The following ANO5 variants were observed in gnomAD, a reference collection of about 807,000 sequenced individuals.
ANO5 encodes anoctamin-5.
ANO5 carries 109 observed loss-of-function variants against 121.0 expected under a neutral mutation model. The ratio of observed to expected loss-of-function variants is 0.90; its 90% CI spans 0.77 to 1.06. The LOEUF (loss-of-function observed/expected upper bound fraction) is 1.06, where lower values mean the gene tolerates loss of function less well. Among genes scored for constraint, ANO5 ranks in the 50% least tolerant of loss-of-function variants. The probability of loss-of-function intolerance (pLI) is 0.00; values close to 1 mark genes in which losing one functional copy is unlikely to be tolerated. For synonymous variants in ANO5, 406 were observed against 359.9 expected, an observed-to-expected ratio of 1.13 and a Z score of -1.45; for missense variants, 1,064 against 1,078.5, an observed-to-expected ratio of 0.99 and a Z score of 0.19.
At chr11:22,244,279 A>G (rs1055595931) in intron 9 of ANO5, among the ~76,000 whole-genome samples, 1 of 152,130 alleles carries the variant, frequency 6.6e-6, no homozygotes, top group African/African-American at 2.4e-5. Context: ...GTCTGCTGCT[A>G]GCCTGATGAG....
At chr11:22,257,092 T>C (rs1181495560) in intron 13 of ANO5, among the ~76,000 whole-genome samples, 1 of 151,994 alleles carries the variant, frequency 6.6e-6, no homozygotes, top group African/African-American at 2.4e-5. Flanking sequence ...TGTTTGTTTG[T>C]TTTGTTTTGT....
At chr11:22,258,087 A>G (rs974548936) in intron 14 of ANO5, among the ~76,000 whole-genome samples, 3 of 152,200 alleles carry the variant, frequency 2.0e-5, no homozygotes, top group Non-Finnish European at 2.9e-5. Flanking sequence ...TTTTAGAAAA[A>G]TCATGAATGT....
chr11:22,263,427 T>G (rs1854262479), intron 17 of ANO5, among the ~76,000 whole-genome samples: 1 of 152,208 alleles, frequency 6.6e-6, no homozygotes, highest in African/African-American at 2.4e-5. Flanking sequence ...CTACATGCTG[T>G]GTATTATTTC....
intron 17 of ANO5, among the ~76,000 whole-genome samples, chr11:22,263,329 C>T (rs955003574): frequency 3.3e-5 from 5 of 152,076 alleles, no homozygotes; most frequent in African/African-American, 1.2e-4. Context: ...GTTTTGAACA[C>T]AATCTTTTAA....
chr11:22,244,182 T>C (rs986689860), intron 9 of ANO5, among the ~76,000 whole-genome samples: 2 of 152,154 alleles, frequency 1.3e-5, no homozygotes. Context: ...TGATGAGATA[T>C]GAAATTCTTG....
intron 9 of ANO5, among the ~76,000 whole-genome samples, chr11:22,243,757 T>C (rs1217641883): frequency 3.9e-5 from 6 of 152,214 alleles, no homozygotes; most frequent in African/African-American, 1.2e-4. Flanking sequence ...GGATTAGTTA[T>C]AATATCATCA....
intron 8 of ANO5, among the ~76,000 whole-genome samples, chr11:22,237,712 C>CA (rs1380699992): frequency 2.0e-5 from 3 of 151,980 alleles, no homozygotes; most frequent in African/African-American, 7.3e-5. Context: ...GGAAATTTTC[C>CA]AAAATGAGTC....
intron 1 of ANO5, among the ~76,000 whole-genome samples, chr11:22,198,758 T>TA (rs919034020): frequency 5.3e-5 from 8 of 151,832 alleles, no homozygotes; most frequent in East Asian, 1.9e-4. Flanking sequence ...TTTTTGTCCT[T>TA]AAAAAAAAGC....
intron 1 of ANO5, among the ~76,000 whole-genome samples, chr11:22,200,770 A>C (rs987809434): frequency 7.9e-5 from 12 of 152,186 alleles, no homozygotes; most frequent in Non-Finnish European, 1.6e-4. Context: ...AAATGTATAA[A>C]TTTGACACAT....
intron 9 of ANO5, among the ~76,000 whole-genome samples, chr11:22,247,875 T>C (rs897289697): frequency 2.0e-5 from 3 of 152,122 alleles, no homozygotes; most frequent in African/African-American, 7.2e-5. Context: ...CCTTCCAGCT[T>C]ACACTTCAGG....
chr11:22,266,048 G>A (rs569715880), intron 17 of ANO5, among the ~76,000 whole-genome samples: 3 of 152,036 alleles, frequency 2.0e-5, no homozygotes, highest in African/African-American at 4.8e-5. Context: ...ATTGGACATC[G>A]CATATGCAAA....
chr11:22,268,260 A>G (rs1854441580), intron 17 of ANO5, among the ~76,000 whole-genome samples: 1 of 149,114 alleles, frequency 6.7e-6, no homozygotes, highest in African/African-American at 2.6e-5. Context: ...AATTGTTTCA[A>G]TATAAACAGT....
intron 2 of ANO5, among the ~76,000 whole-genome samples, chr11:22,209,985 A>G (rs1015509879): frequency 6.6e-6 from 1 of 151,950 alleles, no homozygotes; most frequent in Non-Finnish European, 1.5e-5. Context: ...TGCACAGCAT[A>G]TTTTTAGAGG....
chr11:22,264,476 A>T (rs564348359), intron 17 of ANO5, among the ~76,000 whole-genome samples: 37 of 151,284 alleles, frequency 2.4e-4, no homozygotes, highest in East Asian at 1.6e-3. Context: ...AAAAAATTTT[A>T]AAAAAAAAAC....
At position 22,274,595 on chromosome 11, in the gene ANO5, C is replaced by T; in HGVS notation, c.2262C>T (p.Asp754=). ...CCTTTATTGTTGCATTTACGTCAGA[C>T]ATCATTCCCCGTCTAGTTTACTACT... ...TNAFIVAFTS[D]IIPRLVYYYA... The change falls in exon 20 of 22, where the codon GAC becomes GAT. Residue 754 remains aspartate (D), a synonymous_variant. Coordinates refer to ENST00000324559, the MANE Select transcript of ANO5 (RefSeq NM_213599.3). 6.2e-7 allele frequency: 1 copy of T among 1,605,302 alleles called. No individual in the cohort carries two copies. Among genetic ancestry groups the T allele is most frequent in the Non-Finnish European group, 8.5e-7 (1 of 1,173,630 alleles).
intron 7 of ANO5, among the ~76,000 whole-genome samples, chr11:22,229,614 G>GA (rs1332639628): frequency 6.6e-6 from 1 of 151,888 alleles, no homozygotes; most frequent in African/African-American, 2.4e-5. Flanking sequence ...AATGCACTTT[G>GA]AAAACTGAAA....
intron 9 of ANO5, among the ~76,000 whole-genome samples, chr11:22,246,687 A>C (rs144920164): frequency 7.7e-4 from 117 of 151,834 alleles, no homozygotes; most frequent in South Asian, 2.1e-3. Flanking sequence ...AAAAATAATA[A>C]TACTACTACT....
At chr11:22,252,825 A>T (rs1363175658) in intron 12 of ANO5, among the ~76,000 whole-genome samples, 1 of 152,174 alleles carries the variant, frequency 6.6e-6, no homozygotes, top group East Asian at 1.9e-4. Context: ...ACTTTAATAT[A>T]ATTCAGCAAC....
chr11:22,263,459 C>A (rs1201965165), intron 17 of ANO5, among the ~76,000 whole-genome samples: 2 of 152,044 alleles, frequency 1.3e-5, no homozygotes, highest in Non-Finnish European at 2.9e-5. Flanking sequence ...AAAAGGTGAA[C>A]TTTGTAAAAA....
Sources: gnomAD v4.1 joint callset for allele counts (sites outside exome capture counted in the v4.1 genomes callset) on GRCh38, gnomAD v4.1.1 for gene constraint, MANE v1.5 for transcripts, NCBI Gene and HGNC (gene_info 2026-07-23, HGNC 2026-07-21) for gene names.